DLG2: variants seen among roughly 807,000 people sequenced by gnomAD.
DLG2 encodes the protein disks large homolog 2.
In DLG2, 45 loss-of-function variants were observed where a neutral mutation model predicts 132.5. That is an observed-to-expected ratio of 0.34 (90% CI 0.27 to 0.44). The LOEUF is 0.44. DLG2 is among the 20% of genes least tolerant of loss of function. The probability of loss-of-function intolerance (pLI) is 1.00; values close to 1 mark genes in which losing one functional copy is unlikely to be tolerated. For missense variants in DLG2, 1,045 were observed against 1,196.9 expected (o/e 0.87, Z 1.87); for synonymous variants, 424 against 419.6 (o/e 1.01, Z -0.13).
chr11:83,654,173 C>T (rs1004594540), intron 18 of DLG2, among the ~76,000 whole-genome samples: 2 of 152,090 alleles, frequency 1.3e-5, no homozygotes, highest in African/African-American at 4.8e-5. Context: ...CAATCTGGTT[C>T]TTTGCCCCCA....
chr11:85,109,620 T>C (rs1053446842), intron 6 of DLG2, among the ~76,000 whole-genome samples: 12 of 152,132 alleles, frequency 7.9e-5, no homozygotes, highest in African/African-American at 2.9e-4. Context: ...GTGAAAGTTC[T>C]TATATTAATA....
chr11:84,315,334 A>G (rs907591745), intron 7 of DLG2, among the ~76,000 whole-genome samples: 1 of 152,190 alleles, frequency 6.6e-6, no homozygotes, highest in African/African-American at 2.4e-5. Flanking sequence ...ACCATTTACG[A>G]AATAAAAAGT....
intron 5 of DLG2, among the ~76,000 whole-genome samples, chr11:85,124,468 A>G (rs1180807230): frequency 6.6e-6 from 1 of 152,240 alleles, no homozygotes; most frequent in African/African-American, 2.4e-5. Flanking sequence ...ATTCTGTACA[A>G]TAATCCTGTT....
chr11:84,723,118 A>G (rs901292351), intron 6 of DLG2, among the ~76,000 whole-genome samples: 1 of 152,184 alleles, frequency 6.6e-6, no homozygotes, highest in African/African-American at 2.4e-5. Flanking sequence ...AATAGATCCT[A>G]AAAAAGCTGT....
chr11:84,714,623 T>TCTCTCTCTC lies in DLG2; in HGVS notation c.358-179893_358-179892insGAGAGAGAG, dbSNP rs2060950060. On this transcript the variant is annotated intron_variant, in intron 6 of 27. Coordinates refer to ENST00000376104, the MANE Select transcript of DLG2 (RefSeq NM_001142699.3). The stretch of plus-strand genomic sequence containing the variant: ...TTTCTCTTTCTCTTTCTCTTTCTCT[T>TCTCTCTCTC]TCTCTCTCTCTCTCTCTCTCTCTTT... 2.9e-5 allele frequency among the ~76,000 whole-genome samples: 3 copies of TCTCTCTCTC among 104,994 alleles called. 1 individual carries two copies. Among genetic ancestry groups the TCTCTCTCTC allele is most frequent in the African/African-American group, 1.3e-4 (3 of 23,482 alleles). 68.9% of individuals were successfully genotyped at this position (104,994 alleles called of 152,430 possible).
intron 3 of DLG2, among the ~76,000 whole-genome samples, chr11:85,502,570 T>C (rs895147419): frequency 5.3e-5 from 8 of 151,862 alleles, no homozygotes; most frequent in African/African-American, 1.9e-4. Context: ...AAACACCGCA[T>C]GTTCTCACTT....
At chr11:85,387,016 T>C (rs1219479811) in intron 3 of DLG2, among the ~76,000 whole-genome samples, 1 of 151,800 alleles carries the variant, frequency 6.6e-6, no homozygotes. Flanking sequence ...GCCTCCCTAG[T>C]AGCTTGGATT....
At chr11:83,794,186 T>G (rs1212695780) in intron 17 of DLG2, among the ~76,000 whole-genome samples, 1 of 152,234 alleles carries the variant, frequency 6.6e-6, no homozygotes, top group Non-Finnish European at 1.5e-5. Flanking sequence ...GAGAGGTTTG[T>G]TGCTGCTGTT....
At chr11:85,420,379 G>T (rs1420647351) in intron 3 of DLG2, among the ~76,000 whole-genome samples, 7 of 152,118 alleles carry the variant, frequency 4.6e-5, no homozygotes, top group Non-Finnish European at 8.8e-5. Context: ...GACTCCTGCT[G>T]GGAGGTGTCT....
chr11:83,921,461 T>C lies in DLG2; in HGVS notation c.1496+8867A>G, dbSNP rs1202561493. ...TATTTCCATAAAATTGGGATGATCA[T>C]AGCTACCGCATAAGTCATTATAAGG... is the stretch of plus-strand genomic sequence containing the variant. On this transcript the variant is annotated intron_variant, in intron 15 of 27. Coordinates refer to ENST00000376104, the MANE Select transcript of DLG2 (RefSeq NM_001142699.3). 4.6e-5 allele frequency among the ~76,000 whole-genome samples: 7 copies of C among 152,200 alleles called. No homozygotes were observed. In the South Asian group the frequency reaches 6.2e-4, roughly 13 times the overall value.
At chr11:84,793,491 A>T (rs1212205851) in intron 6 of DLG2, among the ~76,000 whole-genome samples, 1 of 152,224 alleles carries the variant, frequency 6.6e-6, no homozygotes, top group Non-Finnish European at 1.5e-5. Flanking sequence ...CAATGTTGAC[A>T]GTGGAGTGTT....
At chr11:84,506,589 C>T (rs1370662387) in intron 7 of DLG2, among the ~76,000 whole-genome samples, 1 of 152,160 alleles carries the variant, frequency 6.6e-6, no homozygotes, top group Non-Finnish European at 1.5e-5. Flanking sequence ...GGCTTCAGAA[C>T]ATAGCCCTTC....
At chr11:84,766,962 T>C (rs528234423) in intron 6 of DLG2, among the ~76,000 whole-genome samples, 1 of 152,244 alleles carries the variant, frequency 6.6e-6, no homozygotes, top group South Asian at 2.1e-4. Context: ...CATCTCACTA[T>C]GTAAAACATT....
intron 18 of DLG2, among the ~76,000 whole-genome samples, chr11:83,668,337 A>C (rs533618149): frequency 6.6e-6 from 1 of 152,340 alleles, no homozygotes; most frequent in South Asian, 2.1e-4. Flanking sequence ...CTCTGCAAAG[A>C]CAACACATTT....
intron 6 of DLG2, among the ~76,000 whole-genome samples, chr11:84,550,879 T>C (rs1292939234): frequency 6.6e-6 from 1 of 152,196 alleles, no homozygotes; most frequent in South Asian, 2.1e-4. Flanking sequence ...TTGCGTTAGG[T>C]AATCCAGCTC....
At chr11:85,186,571 C>T (rs950936869) in intron 4 of DLG2, among the ~76,000 whole-genome samples, 2 of 152,008 alleles carry the variant, frequency 1.3e-5, no homozygotes, top group Admixed American at 6.6e-5. Context: ...CCCAATTTAC[C>T]TTTATGGAAC....
At chr11:83,730,544 C>T (rs768988561) in intron 18 of DLG2, among the ~76,000 whole-genome samples, 2 of 152,144 alleles carry the variant, frequency 1.3e-5, no homozygotes, top group Non-Finnish European at 2.9e-5. Context: ...ATTCTCCCCC[C>T]ATCCCTGCTT....
chr11:84,853,411 G>A (rs917661761), intron 6 of DLG2, among the ~76,000 whole-genome samples: 1 of 152,004 alleles, frequency 6.6e-6, no homozygotes, highest in African/African-American at 2.4e-5. Context: ...AGTCAGACTT[G>A]TAAGAGAGGC....
At chr11:85,399,936 C>A (rs1474209501) in intron 3 of DLG2, among the ~76,000 whole-genome samples, 1 of 152,108 alleles carries the variant, frequency 6.6e-6, no homozygotes, top group Non-Finnish European at 1.5e-5. Flanking sequence ...CCAATGGGAT[C>A]TAATTAAACT....
Sources: gnomAD v4.1 joint callset for allele counts (sites outside exome capture counted in the v4.1 genomes callset) on GRCh38, gnomAD v4.1.1 for gene constraint, MANE v1.5 for transcripts, NCBI Gene and HGNC (gene_info 2026-07-23, HGNC 2026-07-21) for gene names.